STARD9: variants seen among roughly 807,000 people sequenced by gnomAD.
STARD9 encodes the protein stAR-related lipid transfer protein 9.
Under a neutral mutation model 399.8 loss-of-function variants are expected in STARD9, and 346 were observed. The ratio of observed to expected loss-of-function variants is 0.87; its 90% CI spans 0.79 to 0.95. STARD9 has a LOEUF of 0.95. Ranked by LOEUF, STARD9 falls within the 40% of genes least tolerant of loss-of-function variation. The probability of loss-of-function intolerance (pLI) is 0.00; values close to 1 mark genes in which losing one functional copy is unlikely to be tolerated. For synonymous variants in STARD9, 2,203 were observed against 2,143.5 expected, an observed-to-expected ratio of 1.03 and a Z score of -0.77; for missense variants, 5,832 against 5,667.5, an observed-to-expected ratio of 1.03 and a Z score of -0.93.
Position 42,689,594 on chromosome 15 carries a change from T to C in STARD9, c.8016T>C (p.Ala2672=), listed in dbSNP as rs1472331064. ...AGGCTTTCTCCCATGCTGCTCCTGC[T>C]CAAGACAGGAAACGTCGTACTGGAG... ...PVQAFSHAAP[A]QDRKRRTGEL... The change falls in exon 23 of 33, where the codon GCT becomes GCC. Residue 2672 remains alanine (A), a synonymous_variant. Coordinates refer to ENST00000290607, the MANE Select transcript of STARD9 (RefSeq NM_020759.3). 2.6e-6 allele frequency: 4 copies of C among 1,537,306 alleles called. No homozygotes were observed. The highest frequency in any genetic ancestry group is 3.5e-6 in the Non-Finnish European group (4 of 1,146,916).
chr15:42,717,370 C>G (rs925553128), intron 28 of STARD9, among the ~76,000 whole-genome samples: 1 of 152,046 alleles, frequency 6.6e-6, no homozygotes, highest in Admixed American at 6.5e-5. Flanking sequence ...CACCTGTAGT[C>G]TCAGCACTTT....
At chr15:42,675,527 A>G in intron 18 of STARD9, 137 bp from the exon 19 acceptor site, 3 of 641,562 alleles carry the variant, frequency 4.7e-6, no homozygotes, top group Non-Finnish European at 8.2e-6. Context: ...ATGCAGAATT[A>G]ATATGTATCT....
chr15:42,628,777 A>G (rs950041414), intron 3 of STARD9, among the ~76,000 whole-genome samples: 11 of 151,714 alleles, frequency 7.3e-5, no homozygotes, highest in African/African-American at 2.2e-4. Context: ...GTTTTGTTCT[A>G]TTGGTCTGCG....
chr15:42,704,538 G>A (rs1363765287), intron 26 of STARD9, among the ~76,000 whole-genome samples: 3 of 152,200 alleles, frequency 2.0e-5, no homozygotes, highest in Admixed American at 1.3e-4. Context: ...GAGCCTGACT[G>A]TTGAGTTCCC....
At chr15:42,678,181 A>G (rs975584140) in intron 20 of STARD9, among the ~76,000 whole-genome samples, 1 of 152,194 alleles carries the variant, frequency 6.6e-6, no homozygotes, top group Non-Finnish European at 1.5e-5. Flanking sequence ...TGATTGGGCA[A>G]AGGGACCAGG....
At chr15:42,615,921 TAAAAC>T (rs1359185051) in intron 3 of STARD9, among the ~76,000 whole-genome samples, 3 of 151,986 alleles carry the variant, frequency 2.0e-5, no homozygotes, top group South Asian at 2.1e-4. Context: ...TCAGTAAAAA[TAAAAC>T]AAAGACCACA....
chr15:42,601,300 C>T (rs1328215926), intron 3 of STARD9, among the ~76,000 whole-genome samples: 2 of 152,202 alleles, frequency 1.3e-5, no homozygotes, highest in South Asian at 2.1e-4. Context: ...TGATCTCTCT[C>T]TCTTTTCCCC....
chr15:42,614,807 A>G (rs2058924297), intron 3 of STARD9, among the ~76,000 whole-genome samples: 1 of 151,988 alleles, frequency 6.6e-6, no homozygotes, highest in Non-Finnish European at 1.5e-5. Context: ...TCTACTAAAA[A>G]TACAAAAATT....
chr15:42,709,691 C>T (rs994354340), intron 26 of STARD9, among the ~76,000 whole-genome samples: 17 of 152,128 alleles, frequency 1.1e-4, no homozygotes, highest in Admixed American at 1.3e-4. Context: ...TGCCCCACAG[C>T]AGCCCCCCAA....
intron 26 of STARD9, among the ~76,000 whole-genome samples, chr15:42,703,418 C>T (rs1173761715): frequency 7.3e-5 from 11 of 150,562 alleles, no homozygotes; most frequent in Non-Finnish European, 1.5e-4. Context: ...GGCTGGAGTG[C>T]AGTGGCACAA....
chr15:42,673,560 G>T lies in STARD9; in HGVS notation c.1498-880G>T, dbSNP rs576695893. ...TTCTCAGGCAGTTTATCCCCTGTGA[G>T]CTTCAGATTCCTCATCAATAAAAAG... On this transcript the variant is annotated intron_variant, in intron 16 of 32. Transcript: ENST00000290607. Among the ~76,000 whole-genome samples, 39 of 152,266 alleles carry T rather than the reference G, an allele frequency of 2.6e-4. 1 individual carries two copies. Among genetic ancestry groups the T allele is most frequent in the Admixed American group, 1.6e-3 (25 of 15,296 alleles).
chr15:42,587,828 G>C (rs770810361), intron 3 of STARD9, among the ~76,000 whole-genome samples: 2 of 152,138 alleles, frequency 1.3e-5, no homozygotes, highest in Non-Finnish European at 2.9e-5. Context: ...GCCTCCTAAA[G>C]TGCTGGGATT....
chr15:42,715,798 G>A (rs1438640474), intron 26 of STARD9, among the ~76,000 whole-genome samples: 1 of 152,094 alleles, frequency 6.6e-6, no homozygotes, highest in Admixed American at 6.5e-5. Flanking sequence ...ATGAGCCACC[G>A]CCCGGCCCCC....
rs1210828847 is a variant in STARD9, at chr15:42,688,097, G to A, written c.6519G>A (p.Ser2173=). Residue 2173 remains serine (S), a synonymous_variant, in exon 23 of 33, where the codon TCG becomes TCA. Coordinates refer to ENST00000290607, the MANE Select transcript of STARD9 (RefSeq NM_020759.3). ...PVREHTHPAG[S]DRPARDICDS... is the part of the protein sequence containing the mutation. ...GAGAGCACACCCACCCAGCTGGATCGGACAGACCTGCCAGGGATATTTGTG... is the reference window on the plus strand; with the variant it reads ...GAGAGCACACCCACCCAGCTGGATCAGACAGACCTGCCAGGGATATTTGTG... The A allele has an allele frequency of 2.3e-5, 36 of 1,537,182 alleles. No homozygotes were observed. The highest frequency in any genetic ancestry group is 2.7e-5 in the African/African-American group (2 of 73,018).
Position 42,691,221 on chromosome 15 carries a change from C to T in STARD9, c.9643C>T (p.His3215Tyr), listed in dbSNP as rs529752239. Reference sequence around the variant, plus strand: ...CAGTCCCTGGCAGGAAGAAGAGCAGCACAGAGACCAGGCTTCAGGTGGTGG... The same window carrying T: ...CAGTCCCTGGCAGGAAGAAGAGCAGTACAGAGACCAGGCTTCAGGTGGTGG... ...EDSPWQEEEQ[H>Y]RDQASGGGEG... The change falls in exon 23 of 33, where the codon CAC becomes TAC. Residue 3215 changes from histidine to tyrosine, a missense_variant. Transcript: ENST00000290607. 6 of 1,537,246 alleles carry T rather than the reference C, an allele frequency of 3.9e-6. No homozygotes were observed. Among genetic ancestry groups the T allele is most frequent in the Non-Finnish European group, 5.2e-6 (6 of 1,146,912 alleles).
rs905520102 is a variant in STARD9 at position 42,697,882 on chromosome 15, C to T, written c.13284+2002C>T. Among the ~76,000 whole-genome samples, 12 of 152,144 alleles carry T rather than the reference C, an allele frequency of 7.9e-5. No individual in the cohort carries two copies. In the East Asian group the frequency reaches 2.3e-3, roughly 29 times the overall value. Reference sequence around the variant, plus strand: ...GGGTACTCAACCTGTAAAAGGGATACAGGGAAATACCCATCCCCGCCCTCA... The same window carrying T: ...GGGTACTCAACCTGTAAAAGGGATATAGGGAAATACCCATCCCCGCCCTCA... On this transcript the variant is annotated intron_variant, in intron 26 of 32. Transcript: ENST00000290607.
intron 3 of STARD9, among the ~76,000 whole-genome samples, chr15:42,593,911 G>T (rs189484531): frequency 1.3e-5 from 2 of 151,720 alleles, no homozygotes; most frequent in South Asian, 2.1e-4. Flanking sequence ...CTCATGATCC[G>T]CCCGCCTCGG....
chr15:42,672,340 C>T (rs1412504158), intron 16 of STARD9: 1 of 152,212 alleles, frequency 6.6e-6, no homozygotes, highest in Non-Finnish European at 1.5e-5. Flanking sequence ...CTTTGTGCCA[C>T]TAACACTCCC....
At chr15:42,646,963 T>A (rs1385647285) in intron 7 of STARD9, among the ~76,000 whole-genome samples, 1 of 152,174 alleles carries the variant, frequency 6.6e-6, no homozygotes, top group Non-Finnish European at 1.5e-5. Context: ...GGGAGAAAGG[T>A]AGGGGAAAGG....
Sources: allele counts gnomAD v4.1 joint callset (sites outside exome capture counted in the v4.1 genomes callset), GRCh38; gene constraint gnomAD v4.1.1; transcripts MANE v1.5; gene names NCBI Gene and HGNC (gene_info 2026-07-23, HGNC 2026-07-21).